MPST: variants seen among roughly 807,000 people sequenced by gnomAD.
MPST encodes mercaptopyruvate sulfurtransferase.
Under a neutral mutation model 28.5 loss-of-function variants are expected in MPST, and 27 were observed. The observed-to-expected ratio is 0.95, with a 90% CI of 0.70 to 1.31. MPST has a LOEUF of 1.31. Among genes scored for constraint, MPST ranks in the 50% most tolerant of loss-of-function variants. The pLI is 0.00. For synonymous variants in MPST, 204 were observed against 209.3 expected (o/e 0.97, Z 0.22); for missense variants, 492 against 471.1 (o/e 1.04, Z -0.41).
rs1923776369 is a variant in MPST, at chr22:37,029,697, G to T, written c.*183G>T. On this transcript the variant is annotated 3_prime_UTR_variant, in exon 3 of 3. Coordinates refer to ENST00000429360, the MANE Select transcript of MPST (RefSeq NM_021126.8). ...GGCTGCCAGTAGGGGCGGGAGGAAA[G>T]GCGGAGGCGAGCCCTGGAGGAGGGA... is the stretch of plus-strand genomic sequence containing the variant. The T allele has an allele frequency of 2.9e-6, 2 of 682,466 alleles. No homozygotes were observed. The highest frequency in any genetic ancestry group is 3.9e-5 in the South Asian group (2 of 51,558). 42.3% of individuals were successfully genotyped at this position (682,466 alleles called of 1,614,324 possible).
At chr22:37,023,673 A>G (rs1923240126) in intron 1 of MPST, 4 of 704,640 alleles carry the variant, frequency 5.7e-6, no homozygotes, top group Admixed American at 1.1e-4. Flanking sequence ...CTACTGTGTC[A>G]GGCATTGTTC....
At chr22:37,025,052 C>T (rs1406807377) in intron 2 of MPST, 2 of 1,510,574 alleles carry the variant, frequency 1.3e-6, no homozygotes, top group Non-Finnish European at 1.8e-6. Context: ...TCATGGCTCA[C>T]TGCAGCCTCA....
intron 1 of MPST, among the ~76,000 whole-genome samples, chr22:37,021,294 C>T (rs779193469): frequency 6.6e-6 from 1 of 152,102 alleles, no homozygotes; most frequent in Non-Finnish European, 1.5e-5. Context: ...CCTGCCTTCA[C>T]ACCCTCCTTT....
intron 2 of MPST, chr22:37,028,967 T>A (rs1923705884): frequency 2.0e-6 from 1 of 491,468 alleles, no homozygotes; most frequent in Non-Finnish European, 3.6e-6. Context: ...GGTTCAAAGT[T>A]CAGTCAGCAA....
intron 1 of MPST, chr22:37,023,396 G>C (rs1239499682): frequency 6.6e-6 from 1 of 152,298 alleles, no homozygotes; most frequent in Non-Finnish European, 1.5e-5. Context: ...CCGAGTAGCT[G>C]GGATTACAGG....
intron 1 of MPST, 94 bp from the exon 2 acceptor site, chr22:37,024,098 T>C (rs947866934): frequency 7.8e-7 from 1 of 1,275,568 alleles, no homozygotes; most frequent in South Asian, 1.8e-5. Flanking sequence ...GGGCCGCACC[T>C]CCCCCGCCGG....
At chr22:37,019,903 C>T in intron 1 of MPST, 31 bp downstream of exon 1, 9 of 1,154,908 alleles carry the variant, frequency 7.8e-6, no homozygotes, top group Non-Finnish European at 9.8e-6. Context: ...GCTTGCCTTT[C>T]TGGAGGGGGA....
At chr22:37,028,753 A>ATT (rs11376623) in intron 2 of MPST, 4 of 153,308 alleles carry the variant, frequency 2.6e-5, no homozygotes, top group South Asian at 2.0e-4. Flanking sequence ...TACTGGCGTT[A>ATT]TTTTTTTTTT....
In MPST at chr22:37,024,488, G is replaced by A. The variant is rs1923344434; in HGVS notation, c.333G>A (p.Val111=). 6.4e-7 allele frequency: 1 copy of A among 1,559,446 alleles called. No individual in the cohort carries two copies. The highest frequency in any genetic ancestry group is 8.7e-7 in the Non-Finnish European group (1 of 1,155,294). The change falls in exon 2 of 3, where the codon GTG becomes GTA. Residue 111 remains valine, a synonymous_variant. Coordinates refer to ENST00000429360, the MANE Select transcript of MPST (RefSeq NM_021126.8). ...CGGAGTACGCAGGCCGCCTGGGCGT[G>A]GGCGCGGCCACCCACGTCGTGATCT... ...HFAEYAGRLG[V]GAATHVVIYD...
intron 1 of MPST, among the ~76,000 whole-genome samples, chr22:37,022,658 G>C (rs1018929455): frequency 2.6e-5 from 4 of 152,216 alleles, no homozygotes; most frequent in Non-Finnish European, 4.4e-5. Flanking sequence ...ATTGCCAGTG[G>C]CCTCATTCAT....
At chr22:37,025,306 GT>G in intron 2 of MPST, 2 of 509,430 alleles carry the variant, frequency 3.9e-6, no homozygotes, top group Non-Finnish European at 6.2e-6. Flanking sequence ...ACTGTGGAAT[GT>G]TGGGGGGCAG....
rs908773576 is a variant in MPST at position 37,024,233 on chromosome 22, C to G, written c.78C>G (p.Leu26=). 1 of 1,402,534 alleles carries G rather than the reference C, an allele frequency of 7.1e-7. No individual in the cohort carries two copies. The highest frequency in any genetic ancestry group is 2.9e-5 in the East Asian group (1 of 34,652). 86.9% of individuals were successfully genotyped at this position (1,402,534 alleles called of 1,614,324 possible). The stretch of plus-strand genomic sequence containing the variant: ...TCGCCGCCATGGCTTCGCCGCAGCT[C>G]TGCCGCGCGCTGGTGTCGGCGCAAT... The part of the protein sequence containing the change: ...PSVAAMASPQ[L]CRALVSAQWV... Residue 26 remains leucine (L), a synonymous_variant, in exon 2 of 3, where the codon CTC becomes CTG. Transcript: ENST00000429360.
In MPST at chr22:37,024,278, G is replaced by A; in HGVS notation, c.123G>A (p.Arg41=). ...CGCAATGGGTGGCGGAGGCGCTGCG[G>A]GCCCCGCGCGCTGGGCAGCCTCTGC... is the stretch of plus-strand genomic sequence containing the variant. ...VSAQWVAEAL[R]APRAGQPLQL... The change falls in exon 2 of 3, where the codon CGG becomes CGA. Residue 41 remains arginine, a synonymous_variant. Transcript: ENST00000429360. The A allele has an allele frequency of 6.7e-7, 1 of 1,492,214 alleles. No homozygotes were observed. Among genetic ancestry groups the A allele is most frequent in the Non-Finnish European group, 8.9e-7 (1 of 1,128,402 alleles). 92.4% of individuals were successfully genotyped at this position (1,492,214 alleles called of 1,614,324 possible).
chr22:37,023,650 C>A, intron 1 of MPST: 1 of 468,308 alleles, frequency 2.1e-6, no homozygotes. Flanking sequence ...TCATTCAACA[C>A]ATACTGGAGA....
At position 37,024,581 on chromosome 22, in the gene MPST, C is replaced by T. The variant is rs1289439794; in HGVS notation, c.426C>T (p.His142=). The T allele has an allele frequency of 1.3e-6, 2 of 1,590,880 alleles. No homozygotes were observed. The highest frequency in any genetic ancestry group is 1.7e-6 in the Non-Finnish European group (2 of 1,175,026). Residue 142 remains histidine (H), a synonymous_variant, in exon 2 of 3, where the codon CAC becomes CAT. Coordinates refer to ENST00000429360, the MANE Select transcript of MPST (RefSeq NM_021126.8). ...GGTGGATGTTCCGCGCCTTCGGCCA[C>T]CACGCCGTGTCACTGCTTGATGGCG... ...RVWWMFRAFG[H]HAVSLLDGGL...
intron 1 of MPST, 29 bp from the exon 2 acceptor site, chr22:37,024,163 T>C: frequency 7.3e-7 from 1 of 1,369,564 alleles, no homozygotes; most frequent in Non-Finnish European, 9.4e-7. Flanking sequence ...TCTCCCTGCT[T>C]CCCTTCTGAC....
chr22:37,024,309 C>T lies in MPST; in HGVS notation c.154C>T (p.Leu52=), dbSNP rs1923309626. 7.8e-6 allele frequency: 12 copies of T among 1,531,474 alleles called. No individual in the cohort carries two copies. Among genetic ancestry groups the T allele is most frequent in the Non-Finnish European group, 1.1e-5 (12 of 1,142,418 alleles). The allele number at this position is 1,531,474 out of a possible 1,614,324, so 94.9% of individuals were successfully genotyped here. The part of the protein sequence containing the change: ...APRAGQPLQL[L]DASWYLPKLG... ...GCGCGCTGGGCAGCCTCTGCAGCTG[C>T]TGGACGCCTCCTGGTACCTGCCGAA... is the stretch of plus-strand genomic sequence containing the variant. The change falls in exon 2 of 3, where the codon CTG becomes TTG. Residue 52 remains leucine (L), a synonymous_variant. Transcript: ENST00000429360.
intron 2 of MPST, chr22:37,025,522 G>C (rs1483652971): frequency 5.2e-6 from 1 of 193,524 alleles, no homozygotes; most frequent in Non-Finnish European, 1.1e-5. Context: ...GATTTCCTCA[G>C]GCAAGAAGCC....
In MPST at chr22:37,029,596, AAG is replaced by A; in HGVS notation, c.*87_*88del. The A allele has an allele frequency of 7.3e-7, 1 of 1,369,822 alleles. No homozygotes were observed. Among genetic ancestry groups the A allele is most frequent in the Non-Finnish European group, 9.9e-7 (1 of 1,014,400 alleles). 84.9% of individuals were successfully genotyped at this position (1,369,822 alleles called of 1,614,324 possible). A position where few individuals can be genotyped will look rare whatever the true frequency, so the allele number is the denominator to read the frequency against. Reference sequence around the variant, plus strand: ...TGGTAGCTCCGCTTCTGCTTTCACCAAGAGAGTGTTTCTTCACTCAACTCAGG... The same window carrying A: ...TGGTAGCTCCGCTTCTGCTTTCACCAAGAGTGTTTCTTCACTCAACTCAGG... On this transcript the variant is annotated 3_prime_UTR_variant, in exon 3 of 3. Transcript: ENST00000429360.
Sources: gnomAD v4.1 joint callset for allele counts (sites outside exome capture counted in the v4.1 genomes callset) on GRCh38, gnomAD v4.1.1 for gene constraint, MANE v1.5 for transcripts, NCBI Gene and HGNC (gene_info 2026-07-23, HGNC 2026-07-21) for gene names.